The following CEP63 variants were observed in gnomAD, a reference collection of about 807,000 sequenced individuals.
The protein encoded by CEP63 is centrosomal protein of 63 kDa.
A neutral mutation model predicts 89.1 loss-of-function variants in CEP63; 84 were observed. The ratio of observed to expected loss-of-function variants is 0.94; its 90% CI spans 0.79 to 1.13. CEP63 has a LOEUF of 1.13. Among genes scored for constraint, CEP63 ranks in the 50% most tolerant of loss-of-function variants. The probability of loss-of-function intolerance (pLI) is 0.00; values close to 1 mark genes in which losing one functional copy is unlikely to be tolerated. For missense variants in CEP63, 838 were observed against 813.3 expected (o/e 1.03, Z -0.37); for synonymous variants, 267 against 272.5 (o/e 0.98, Z 0.20).
chr3:134,777,069 G>A, the CEP63 span, among the ~76,000 whole-genome samples: 1 of 152,190 alleles, frequency 6.6e-6, no homozygotes, highest in Non-Finnish European at 1.5e-5. Context: ...GATTTCAAAA[G>A]GAAAGAAGTG....
intron 13 of CEP63, 128 bp downstream of exon 13, chr3:134,558,475 T>C: frequency 2.8e-6 from 2 of 724,218 alleles, no homozygotes; most frequent in South Asian, 1.7e-5. Context: ...TTCTGAAGTA[T>C]AGTGTGCACA....
the CEP63 span, among the ~76,000 whole-genome samples, chr3:134,653,320 T>G: frequency 6.6e-6 from 1 of 152,220 alleles, no homozygotes; most frequent in Non-Finnish European, 1.5e-5. Flanking sequence ...CAATGTTTCC[T>G]TTGGAAAGAA....
At chr3:134,519,901 C>A (rs1396824312) in intron 3 of CEP63, among the ~76,000 whole-genome samples, 1 of 151,942 alleles carries the variant, frequency 6.6e-6, no homozygotes, top group Non-Finnish European at 1.5e-5. Flanking sequence ...ATTAAAATCC[C>A]TTAGAAAATT....
At chr3:134,712,441 ATTC>A in the CEP63 span, among the ~76,000 whole-genome samples, 1 of 152,104 alleles carries the variant, frequency 6.6e-6, no homozygotes, top group African/African-American at 2.4e-5. Flanking sequence ...TTTATCTTCT[ATTC>A]TTTTTATTAC....
the CEP63 span, among the ~76,000 whole-genome samples, chr3:134,734,282 A>G: frequency 2.0e-5 from 3 of 152,032 alleles, no homozygotes; most frequent in African/African-American, 7.2e-5. Flanking sequence ...ACCTCTTTAT[A>G]CTACTCAGCA....
chr3:134,778,906 C>T, the CEP63 span, among the ~76,000 whole-genome samples: 1 of 152,146 alleles, frequency 6.6e-6, no homozygotes, highest in African/African-American at 2.4e-5. Flanking sequence ...TGCACACTGT[C>T]TTCTTATGTG....
chr3:134,537,568 G>T (rs566928857), intron 6 of CEP63, among the ~76,000 whole-genome samples: 1 of 152,158 alleles, frequency 6.6e-6, no homozygotes, highest in African/African-American at 2.4e-5. Flanking sequence ...TGCTTACTCA[G>T]GCTCACTCTA....
At chr3:134,500,765 G>A (rs1000778872) in intron 2 of CEP63, among the ~76,000 whole-genome samples, 5 of 152,024 alleles carry the variant, frequency 3.3e-5, no homozygotes, top group Admixed American at 6.5e-5. Context: ...TTGCAAATAC[G>A]TTCTCTCATT....
At chr3:134,668,157 A>G in the CEP63 span, among the ~76,000 whole-genome samples, 1 of 152,176 alleles carries the variant, frequency 6.6e-6, no homozygotes, top group Non-Finnish European at 1.5e-5. Context: ...GGTCTCTGCT[A>G]AAATCCTACT....
At chr3:134,717,013 C>T in the CEP63 span, among the ~76,000 whole-genome samples, 1 of 152,114 alleles carries the variant, frequency 6.6e-6, no homozygotes, top group East Asian at 1.9e-4. Context: ...GTCATGCCTC[C>T]CCTTTTGACC....
At chr3:134,716,109 G>T in the CEP63 span, among the ~76,000 whole-genome samples, 1 of 151,924 alleles carries the variant, frequency 6.6e-6, no homozygotes, top group Non-Finnish European at 1.5e-5. Context: ...CTTTAAATCA[G>T]TTTCAGTCTG....
At chr3:134,556,237 C>G (rs937239647) in intron 12 of CEP63, among the ~76,000 whole-genome samples, 2 of 151,694 alleles carry the variant, frequency 1.3e-5, no homozygotes, top group African/African-American at 2.4e-5. Context: ...GTCTAAAACA[C>G]CAAAAGCAAT....
intron 5 of CEP63, chr3:134,535,500 C>CTTTT (rs869231096): frequency 0.042 from 6,044 of 143,258 alleles, 261 homozygotes; most frequent in Non-Finnish European, 0.062. Context: ...CTTTCCTTTC[C>CTTTT]TTTTTTTTTT....
the CEP63 span, chr3:134,651,312 C>A: frequency 8.5e-7 from 1 of 1,178,306 alleles, no homozygotes; most frequent in Non-Finnish European, 1.1e-6. Flanking sequence ...AAGCGCTGGT[C>A]CTGGGCTCCA....
the CEP63 span, chr3:134,613,188 C>T: frequency 5.2e-5 from 8 of 154,370 alleles, no homozygotes; most frequent in East Asian, 1.9e-4. Context: ...GTCCTCTGCT[C>T]AGAGCCACCT....
At chr3:134,701,827 C>T in the CEP63 span, among the ~76,000 whole-genome samples, 5 of 152,026 alleles carry the variant, frequency 3.3e-5, no homozygotes, top group Non-Finnish European at 2.9e-5. Context: ...TCTAGAAAAC[C>T]CCATCATCTC....
downstream of CEP63, among the ~76,000 whole-genome samples, chr3:134,575,224 TCCCTC>T: frequency 7.0e-5 from 1 of 14,356 alleles, no homozygotes; most frequent in African/African-American, 2.1e-4. Flanking sequence ...CCTCCCTCCC[TCCCTC>T]CCTCCCTTCC....
intron 12 of CEP63, among the ~76,000 whole-genome samples, chr3:134,554,703 G>T (rs1955762423): frequency 6.6e-6 from 1 of 152,160 alleles, no homozygotes; most frequent in African/African-American, 2.4e-5. Context: ...CCCACCAACA[G>T]TGTAAAAGTG....
upstream of CEP63, chr3:134,485,999 C>CAG (rs1935144469): frequency 1.0e-6 from 1 of 976,150 alleles, no homozygotes; most frequent in Non-Finnish European, 1.2e-6. Context: ...ACGCCCCCCC[C>CAG]CCCTCCCCCG....
Sources: gnomAD v4.1 joint callset for allele counts (sites outside exome capture counted in the v4.1 genomes callset) on GRCh38, gnomAD v4.1.1 for gene constraint, MANE v1.5 for transcripts, NCBI Gene and HGNC (gene_info 2026-07-23, HGNC 2026-07-21) for gene names.